The following PAK1IP1 variants were observed in gnomAD, a reference collection of about 807,000 sequenced individuals.
The protein encoded by PAK1IP1 is PAK1 interacting protein 1, also known as p21-activated protein kinase-interacting protein 1.
In PAK1IP1, 24 loss-of-function variants were observed where a neutral mutation model predicts 42.0. The observed-to-expected ratio is 0.57, with a 90% confidence interval of 0.41 to 0.80. The LOEUF is 0.80. Among genes scored for constraint, PAK1IP1 ranks in the 30% least tolerant of loss-of-function variants. The pLI, the probability that PAK1IP1 is intolerant of heterozygous loss-of-function variation, is 0.00. For missense variants in PAK1IP1, 411 were observed against 467.9 expected, an observed-to-expected ratio of 0.88 and a Z score of 1.12; for synonymous variants, 154 against 156.7, an observed-to-expected ratio of 0.98 and a Z score of 0.13.
chr6:10,709,571 A>G lies in PAK1IP1; in HGVS notation c.*119A>G, dbSNP rs773312146. ...ATTTCTTCCTTTGGAAAAAATATAT[A>G]TATTAAAAAACCACTTTTAGATGGT... On this transcript the variant is annotated 3_prime_UTR_variant, in exon 10 of 10. Coordinates refer to ENST00000379568, the MANE Select transcript of PAK1IP1 (RefSeq NM_017906.3). 17 of 509,096 alleles carry G rather than the reference A, an allele frequency of 3.3e-5. No homozygotes were observed. Among genetic ancestry groups the G allele is most frequent in the African/African-American group, 1.5e-4 (7 of 47,070 alleles). The allele number at this position is 509,096 out of a possible 1,614,324, so 31.5% of individuals were successfully genotyped here. A position where few individuals can be genotyped will look rare whatever the true frequency, so the allele number is the denominator to read the frequency against.
At chr6:10,694,014 C>T (rs1769603000), upstream of PAK1IP1, among the ~76,000 whole-genome samples, 1 of 152,200 alleles carries the variant, frequency 6.6e-6, no homozygotes, top group Admixed American at 6.5e-5. Context: ...ATCCCAGCAA[C>T]TTTGGGAGGT....
chr6:10,694,804 A>T (rs1769727848), upstream of PAK1IP1: 2 of 552,280 alleles, frequency 3.6e-6, no homozygotes, highest in Non-Finnish European at 6.4e-6. Flanking sequence ...AATCCATGTG[A>T]CCTCCCCGCG....
intron 5 of PAK1IP1, among the ~76,000 whole-genome samples, chr6:10,703,708 G>A (rs1581584197): frequency 6.6e-6 from 1 of 152,294 alleles, no homozygotes; most frequent in African/African-American, 2.4e-5. Flanking sequence ...AACATGAGTT[G>A]CATGGGTTTT....
chr6:10,703,042 T>C (rs1770084652), intron 4 of PAK1IP1, among the ~76,000 whole-genome samples: 1 of 152,042 alleles, frequency 6.6e-6, no homozygotes, highest in South Asian at 2.1e-4. Context: ...CCTGACCTCA[T>C]GATCCGCCCG....
intron 4 of PAK1IP1, among the ~76,000 whole-genome samples, chr6:10,703,138 G>A (rs1342635039): frequency 6.6e-6 from 1 of 152,116 alleles, no homozygotes; most frequent in East Asian, 1.9e-4. Flanking sequence ...CAATTATGCT[G>A]CAGTCATCAT....
chr6:10,704,741 T>C lies in PAK1IP1; in HGVS notation c.643-6T>C. On this transcript the variant is annotated splice_region_variant and splice_polypyrimidine_tract_variant and intron_variant, in intron 6 of 9. Coordinates refer to ENST00000379568, the MANE Select transcript of PAK1IP1 (RefSeq NM_017906.3). ...GGATGTTATTACTCTTTTTCCTCTC[T>C]CCTAGGAGTCTGTCCTTGCAGTGGC... The C allele has an allele frequency of 6.2e-7, 1 of 1,608,896 alleles. No individual in the cohort carries two copies. Among genetic ancestry groups the C allele is most frequent in the Non-Finnish European group, 8.5e-7 (1 of 1,175,232 alleles).
chr6:10,697,960 A>G (rs1373503532), intron 2 of PAK1IP1, among the ~76,000 whole-genome samples: 3 of 152,108 alleles, frequency 2.0e-5, no homozygotes, highest in Non-Finnish European at 2.9e-5. Context: ...GAAAGGAGGC[A>G]TTTAACCCAG....
Position 10,708,945 on chromosome 6 carries a change from C to T in PAK1IP1, c.841-8C>T. 1 of 1,590,724 alleles carries T rather than the reference C, an allele frequency of 6.3e-7. No individual in the cohort carries two copies. The highest frequency in any genetic ancestry group is 8.6e-7 in the Non-Finnish European group (1 of 1,169,040). On this transcript the variant is annotated splice_polypyrimidine_tract_variant and splice_region_variant and intron_variant, in intron 8 of 9. Transcript: ENST00000379568. ...TGCACATTATGAATGTTTGTTTCTTCTGTTTAGAAAGTTCCCCCATCTTTA... is the reference window on the plus strand; with the variant it reads ...TGCACATTATGAATGTTTGTTTCTTTTGTTTAGAAAGTTCCCCCATCTTTA...
At chr6:10,691,454 GACAGGGATTTTC>G, upstream of PAK1IP1, among the ~76,000 whole-genome samples, 1 of 152,236 alleles carries the variant, frequency 6.6e-6, no homozygotes, top group South Asian at 2.1e-4. Context: ...AACAGAACAG[GACAGGGATTTTC>G]ACAGTGCTTT....
At chr6:10,695,439 A>G (rs997916962) in intron 1 of PAK1IP1, among the ~76,000 whole-genome samples, 14 of 152,304 alleles carry the variant, frequency 9.2e-5, no homozygotes, top group African/African-American at 2.9e-4. Context: ...GAATTTTACA[A>G]ATTACTAGAA....
Position 10,708,953 on chromosome 6 carries a change from A to C in PAK1IP1, c.841A>C (p.Lys281Gln), listed in dbSNP as rs1330440499. Residue 281 changes from lysine to glutamine, a missense_variant and splice_region_variant, in exon 9 of 10, where the codon AAA (lysine) becomes CAA (glutamine). Transcript: ENST00000379568. ...ATGAATGTTTGTTTCTTCTGTTTAG[A>C]AAGTTCCCCCATCTTTACTCTGTGA... ...IKMWKLKQDK[K>Q]VPPSLLCEIN... The C allele has an allele frequency of 1.2e-6, 2 of 1,603,714 alleles. No homozygotes were observed. The highest frequency in any genetic ancestry group is 2.2e-5 in the South Asian group (2 of 89,124).
At chr6:10,696,472 G>C (rs1210752591) in intron 1 of PAK1IP1, among the ~76,000 whole-genome samples, 4 of 151,894 alleles carry the variant, frequency 2.6e-5, no homozygotes, top group African/African-American at 9.7e-5. Flanking sequence ...GAGTGAGTGA[G>C]TGTGTGTGTG....
chr6:10,693,251 G>A (rs1769514350), upstream of PAK1IP1, among the ~76,000 whole-genome samples: 1 of 152,200 alleles, frequency 6.6e-6, no homozygotes, highest in Non-Finnish European at 1.5e-5. Flanking sequence ...AAATATGTCT[G>A]CTTTTCCTTT....
chr6:10,708,986 A>C lies in PAK1IP1; in HGVS notation c.874A>C (p.Thr292Pro). Residue 292 changes from threonine (T) to proline (P), a missense_variant, in exon 9 of 10, where the codon ACT (threonine) becomes CCT (proline). Transcript: ENST00000379568. ...CCCATCTTTACTCTGTGAAATAAAC[A>C]CTAATGCCAGGCTGACGTGTCTTGG... Reference protein sequence around the residue: ...VPPSLLCEINTNARLTCLGVW... With the variant: ...VPPSLLCEINPNARLTCLGVW... The C allele has an allele frequency of 1.2e-6, 2 of 1,612,310 alleles. No homozygotes were observed. The highest frequency in any genetic ancestry group is 2.2e-5 in the East Asian group (1 of 44,864).
At chr6:10,694,903 G>GTTTT (rs878881986), upstream of PAK1IP1, 243 of 622,534 alleles carry the variant, frequency 3.9e-4, 1 homozygote, top group South Asian at 1.8e-3. Context: ...GGAGTCAGGT[G>GTTTT]TTTTTTTTTT....
intron 2 of PAK1IP1, 95 bp from the exon 3 acceptor site, chr6:10,702,274 T>A: frequency 2.1e-6 from 2 of 962,734 alleles, no homozygotes; most frequent in Non-Finnish European, 3.1e-6. Flanking sequence ...AAAAAGGTAT[T>A]GAGTGTTTTA....
At chr6:10,706,891 CAA>C (rs1004022892) in intron 7 of PAK1IP1, among the ~76,000 whole-genome samples, 10 of 89,246 alleles carry the variant, frequency 1.1e-4, no homozygotes, top group Non-Finnish European at 1.2e-4. Flanking sequence ...GGCTCCATCT[CAA>C]AAAAAAAAAA....
At position 10,709,454 on chromosome 6, in the gene PAK1IP1, TCA is replaced by T; in HGVS notation, c.*5_*6del. 6.3e-7 allele frequency: 1 copy of T among 1,577,420 alleles called. No homozygotes were observed. The highest frequency in any genetic ancestry group is 8.7e-7 in the Non-Finnish European group (1 of 1,153,128). On this transcript the variant is annotated 3_prime_UTR_variant, in exon 10 of 10. Transcript: ENST00000379568. ...AAGAAAATAAAAACAATGCAGTGAA[TCA>T]CAGATGTCTCCTGAAAGAACTCTTT...
At chr6:10,694,786 T>G (rs1769726623), upstream of PAK1IP1, 4 of 543,930 alleles carry the variant, frequency 7.4e-6, no homozygotes, top group Admixed American at 1.0e-4. Flanking sequence ...CTTATTCTCT[T>G]CTTGGAAAAT....
Sources: allele counts gnomAD v4.1 joint callset (sites outside exome capture counted in the v4.1 genomes callset), GRCh38; gene constraint gnomAD v4.1.1; transcripts MANE v1.5; gene names NCBI Gene and HGNC (gene_info 2026-07-23, HGNC 2026-07-21).